CAGE1: variants seen among roughly 807,000 people sequenced by gnomAD.
CAGE1 encodes the protein cancer-associated gene 1 protein.
Under a neutral mutation model 94.9 loss-of-function variants are expected in CAGE1, and 66 were observed. The ratio of observed to expected loss-of-function variants is 0.70; its 90% CI spans 0.57 to 0.85. CAGE1 has a LOEUF of 0.85. Among genes scored for constraint, CAGE1 ranks in the 40% least tolerant of loss-of-function variants. The pLI is 0.00. For missense variants in CAGE1, 865 were observed against 950.4 expected (o/e 0.91, Z 1.18); for synonymous variants, 319 against 321.0 (o/e 0.99, Z 0.07).
chr6:7,357,378 AC>A (rs1288429187), intron 9 of CAGE1, among the ~76,000 whole-genome samples: 1 of 152,178 alleles, frequency 6.6e-6, no homozygotes. Flanking sequence ...TCTCCTCACT[AC>A]ATCCTGGAGG....
chr6:7,355,535 C>A (rs945503508), intron 10 of CAGE1, among the ~76,000 whole-genome samples: 3 of 152,194 alleles, frequency 2.0e-5, no homozygotes, highest in African/African-American at 7.2e-5. Context: ...TAGACACACA[C>A]AACAATCTTT....
At chr6:7,345,954 G>A (rs1944208801) in intron 11 of CAGE1, among the ~76,000 whole-genome samples, 2 of 152,058 alleles carry the variant, frequency 1.3e-5, no homozygotes, top group Non-Finnish European at 1.5e-5. Context: ...TATAGCCTAT[G>A]AATGCATTTG....
intron 6 of CAGE1, 108 bp from the exon 7 acceptor site, chr6:7,368,906 C>T (rs1760444404): frequency 3.1e-6 from 2 of 637,990 alleles, no homozygotes; most frequent in Non-Finnish European, 2.7e-6. Flanking sequence ...AATAAGTAAG[C>T]CAATCAAAAG....
intron 9 of CAGE1, among the ~76,000 whole-genome samples, chr6:7,360,761 T>TGACAGG (rs1405178652): frequency 6.6e-6 from 1 of 152,060 alleles, no homozygotes; most frequent in Admixed American, 6.6e-5. Context: ...CTGTCTAACA[T>TGACAGG]GGTGAAACCC....
intron 12 of CAGE1, among the ~76,000 whole-genome samples, chr6:7,330,682 T>G (rs568246078): frequency 6.6e-6 from 1 of 152,128 alleles, no homozygotes; most frequent in Non-Finnish European, 1.5e-5. Context: ...TGAGATCAAT[T>G]GGGCCAGTCA....
chr6:7,358,027 G>GATATATATATATGTATGT (rs1554138207), intron 9 of CAGE1, among the ~76,000 whole-genome samples: 2 of 48,074 alleles, frequency 4.2e-5, no homozygotes, highest in Non-Finnish European at 8.6e-5. Flanking sequence ...TAAGTTTTGA[G>GATATATATATATGTATGT]ATATATATAT....
chr6:7,379,110 T>G, intron 3 of CAGE1, 90 bp from the exon 4 acceptor site: 4 of 743,580 alleles, frequency 5.4e-6, no homozygotes, highest in Middle Eastern at 3.9e-4. Context: ...AATAAACTGC[T>G]GTAGCCACTT....
Position 7,374,030 on chromosome 6 carries a change from T to G in CAGE1, c.789A>C (p.Glu263Asp). 6.2e-7 allele frequency: 1 copy of G among 1,614,010 alleles called. No homozygotes were observed. Among genetic ancestry groups the G allele is most frequent in the South Asian group, 1.1e-5 (1 of 91,084 alleles). ...CTGCCGAAGACCAAGTTGAGACAAT[T>G]TCTGGCCTCTCCACACCCTCTGCTG... ...EVTAEGVERPEIVSTWSSAGI... is the reference protein window; with the variant it reads ...EVTAEGVERPDIVSTWSSAGI... The change falls in exon 5 of 14, where the codon GAA (glutamate) becomes GAC (aspartate). Residue 263 changes from glutamate (E) to aspartate (D), a missense_variant. By Grantham distance (45) the Glu-to-Asp change is conservative (BLOSUM62 2). Coordinates refer to ENST00000502583, the MANE Select transcript of CAGE1 (RefSeq NM_001170692.2).
chr6:7,357,776 T>C (rs1220325267), intron 9 of CAGE1, among the ~76,000 whole-genome samples: 4 of 151,574 alleles, frequency 2.6e-5, no homozygotes, highest in Non-Finnish European at 1.5e-5. Flanking sequence ...TAAATTTTTG[T>C]TGTTGTTGTT....
intron 11 of CAGE1, among the ~76,000 whole-genome samples, chr6:7,336,040 C>A (rs1758942846): frequency 1.3e-5 from 2 of 152,180 alleles, no homozygotes; most frequent in South Asian, 2.1e-4. Context: ...AAGTTATACT[C>A]TTTCTTTCAG....
At chr6:7,383,216 T>C (rs559195509) in intron 3 of CAGE1, among the ~76,000 whole-genome samples, 59 of 152,372 alleles carry the variant, frequency 3.9e-4, no homozygotes, top group African/African-American at 1.2e-3. Flanking sequence ...TTCCCAGTCA[T>C]GTGGAACTGT....
chr6:7,345,327 C>G (rs1028134627), intron 11 of CAGE1, among the ~76,000 whole-genome samples: 31 of 151,624 alleles, frequency 2.0e-4, no homozygotes, highest in Non-Finnish European at 1.0e-4. Flanking sequence ...AGCGAGACCA[C>G]TAAACCCAGC....
At chr6:7,327,544 T>C (rs1402266188) in intron 13 of CAGE1, among the ~76,000 whole-genome samples, 1 of 152,176 alleles carries the variant, frequency 6.6e-6, no homozygotes, top group Non-Finnish European at 1.5e-5. Context: ...TCATCTTCCT[T>C]GGTTTGGTTG....
chr6:7,381,756 T>C (rs978822963), intron 3 of CAGE1, among the ~76,000 whole-genome samples: 3 of 152,254 alleles, frequency 2.0e-5, no homozygotes, highest in South Asian at 2.1e-4. Flanking sequence ...CTTGAAATCC[T>C]GACCTCATGT....
chr6:7,338,072 T>C (rs1435589088), intron 11 of CAGE1, among the ~76,000 whole-genome samples: 1 of 152,176 alleles, frequency 6.6e-6, no homozygotes, highest in Non-Finnish European at 1.5e-5. Flanking sequence ...TTTATATTTT[T>C]GGTGCTATCA....
chr6:7,378,934 C>T lies in CAGE1; in HGVS notation c.370G>A (p.Val124Ile), dbSNP rs572256370. 2.7e-5 allele frequency: 43 copies of T among 1,597,756 alleles called. No individual in the cohort carries two copies. Among genetic ancestry groups the T allele is most frequent in the South Asian group, 6.7e-5 (6 of 89,204 alleles). ...GCTTCTACCCAGTGAAATTTGCAAA[C>T]GGTTTCAAATTGTCTCAAGGAAGAT... ...SISSLRQFETVCKFHWVEAFD... is the reference protein window; with the variant it reads ...SISSLRQFETICKFHWVEAFD... Residue 124 changes from valine (V) to isoleucine (I), a missense_variant, in exon 4 of 14, where the codon GTT becomes ATT. Coordinates refer to ENST00000502583, the MANE Select transcript of CAGE1 (RefSeq NM_001170692.2).
intron 12 of CAGE1, among the ~76,000 whole-genome samples, chr6:7,332,612 A>G (rs1325030): frequency 0.25 from 37,300 of 152,018 alleles, 4,761 homozygotes; most frequent in East Asian, 0.37. Flanking sequence ...GTGTTTCCCA[A>G]CTTTTAGGGA....
At chr6:7,348,810 A>G (rs972865331) in intron 11 of CAGE1, among the ~76,000 whole-genome samples, 1 of 152,190 alleles carries the variant, frequency 6.6e-6, no homozygotes, top group Admixed American at 6.5e-5. Context: ...AGAAGAAAGA[A>G]ATTCAGAGCT....
In CAGE1 at chr6:7,352,290, C is replaced by CA. The variant is rs77426667; in HGVS notation, c.2369+2750dup. ...AACTCAAGCCTTTTTACAATAGCTG[C>CA]AAAAAAAAAAAAAAACAAAAAAAAA... On this transcript the variant is annotated intron_variant, in intron 11 of 13. Transcript: ENST00000502583. 7.6e-3 allele frequency among the ~76,000 whole-genome samples: 330 copies of CA among 43,350 alleles called. 4 individuals are homozygous for CA. The highest frequency in any genetic ancestry group is 0.013 in the East Asian group (24 of 1,868). The allele number at this position is 43,350 out of a possible 152,430, so 28.4% of individuals were successfully genotyped here.
Sources: gnomAD v4.1 joint callset for allele counts (sites outside exome capture counted in the v4.1 genomes callset) on GRCh38, gnomAD v4.1.1 for gene constraint, MANE v1.5 for transcripts, NCBI Gene and HGNC (gene_info 2026-07-23, HGNC 2026-07-21) for gene names.